Variants in CFAP299 observed in about 807,000 individuals in gnomAD.
The protein encoded by CFAP299 is cilia- and flagella-associated protein 299.
A neutral mutation model predicts 27.0 loss-of-function variants in CFAP299; 21 were observed. The observed-to-expected ratio is 0.78, with a 90% CI of 0.55 to 1.12. CFAP299 has a LOEUF of 1.12. Among genes scored for constraint, CFAP299 ranks in the 50% most tolerant of loss-of-function variants. The pLI is 0.00. For missense variants in CFAP299, 310 were observed against 276.6 expected (o/e 1.12, Z -0.86); for synonymous variants, 104 against 98.1 (o/e 1.06, Z -0.36).
chr4:80,591,105 A>ATTTTTT (rs70944795), intron 3 of CFAP299, among the ~76,000 whole-genome samples: 6 of 126,882 alleles, frequency 4.7e-5, no homozygotes, highest in African/African-American at 1.5e-4. Context: ...ACTTTAGGAA[A>ATTTTTT]TTTTTTTTTT....
chr4:80,327,604 A>AG, the CFAP299 span, among the ~76,000 whole-genome samples: 3 of 148,236 alleles, frequency 2.0e-5, no homozygotes, highest in Admixed American at 1.4e-4. Flanking sequence ...AGGCAAAAAA[A>AG]TAGTGGCTGG....
intron 2 of CFAP299, among the ~76,000 whole-genome samples, chr4:80,577,153 T>C (rs1735912157): frequency 6.6e-6 from 1 of 152,172 alleles, no homozygotes; most frequent in East Asian, 1.9e-4. Context: ...GAGCCTTCAT[T>C]ATAGTGAAAT....
chr4:80,480,384 T>A (rs868716042), intron 2 of CFAP299, among the ~76,000 whole-genome samples: 2 of 152,028 alleles, frequency 1.3e-5, no homozygotes, highest in South Asian at 2.1e-4. Flanking sequence ...TTTTATAGGA[T>A]GAAAAAGGAA....
At chr4:80,780,174 G>T (rs759704683) in intron 3 of CFAP299, among the ~76,000 whole-genome samples, 17 of 151,786 alleles carry the variant, frequency 1.1e-4, no homozygotes, top group Non-Finnish European at 2.1e-4. Flanking sequence ...CAAACTCTAC[G>T]AGGTTTTCTA....
chr4:80,787,467 A>G (rs1727310714), intron 3 of CFAP299, among the ~76,000 whole-genome samples: 1 of 151,844 alleles, frequency 6.6e-6, no homozygotes, highest in African/African-American at 2.4e-5. Context: ...CAGAGTTTCT[A>G]AGAAGCAACT....
chr4:80,345,270 GTTATTA>G (rs552352955), intron 1 of CFAP299, among the ~76,000 whole-genome samples: 8 of 150,742 alleles, frequency 5.3e-5, no homozygotes, highest in South Asian at 2.1e-4. Flanking sequence ...GTTTCTTTTT[GTTATTA>G]TTATTATTAT....
chr4:80,558,354 G>GTTTTTTTTTT lies in CFAP299; in HGVS notation c.243-24736_243-24735insTTTTTTTTTT, dbSNP rs1159652533. Reference sequence around the variant, plus strand: ...ACTTTTGTGGTTTTTTTGTTTGTTTGTTTGTTTGTTTGTTTTTTTTTTGGC... The same window carrying GTTTTTTTTTT: ...ACTTTTGTGGTTTTTTTGTTTGTTTGTTTTTTTTTTTTTGTTTGTTTGTTTTTTTTTTGGC... On this transcript the variant is annotated intron_variant, in intron 2 of 5. Coordinates refer to ENST00000358105, the MANE Select transcript of CFAP299 (RefSeq NM_152770.3). Among the ~76,000 whole-genome samples the GTTTTTTTTTT allele has an allele frequency of 4.0e-5, 5 of 126,422 alleles. 1 individual carries two copies. Among genetic ancestry groups the GTTTTTTTTTT allele is most frequent in the African/African-American group, 9.9e-5 (3 of 30,176 alleles). The allele number at this position is 126,422 out of a possible 152,430, so 82.9% of individuals were successfully genotyped here.
chr4:80,793,028 G>C (rs1210889164), intron 3 of CFAP299, among the ~76,000 whole-genome samples: 1 of 151,826 alleles, frequency 6.6e-6, no homozygotes, highest in Non-Finnish European at 1.5e-5. Flanking sequence ...CTAAATAAAT[G>C]AAATTTTAAA....
intron 3 of CFAP299, among the ~76,000 whole-genome samples, chr4:80,697,768 A>G (rs574502513): frequency 1.3e-5 from 2 of 152,318 alleles, no homozygotes; most frequent in East Asian, 3.9e-4. Flanking sequence ...CCAGCTTTCA[A>G]TGTGGTCCTC....
At chr4:80,333,957 T>C (rs1279881338), upstream of CFAP299, among the ~76,000 whole-genome samples, 11 of 152,188 alleles carry the variant, frequency 7.2e-5, no homozygotes, top group Non-Finnish European at 1.5e-4. Context: ...AAATTGAAAG[T>C]TTAGAAAAGG....
intron 4 of CFAP299, chr4:80,872,902 T>C (rs546218894): frequency 1.0e-6 from 1 of 965,702 alleles, no homozygotes; most frequent in African/African-American, 1.8e-5. Flanking sequence ...ATATCATCTC[T>C]CTGTGTGTAG....
chr4:80,912,628 G>A (rs1025183586), intron 4 of CFAP299, among the ~76,000 whole-genome samples: 34 of 152,164 alleles, frequency 2.2e-4, no homozygotes, highest in African/African-American at 5.5e-4. Context: ...TGGCCCACGC[G>A]TATGGCTCAA....
At chr4:80,505,302 A>G (rs2110156541) in intron 2 of CFAP299, among the ~76,000 whole-genome samples, 1 of 152,246 alleles carries the variant, frequency 6.6e-6, no homozygotes, top group Admixed American at 6.5e-5. Context: ...AATTAAATCC[A>G]GTTCTTTTCT....
chr4:80,362,891 G>C lies in CFAP299; in HGVS notation c.242+7G>C. 1 of 1,596,468 alleles carries C rather than the reference G, an allele frequency of 6.3e-7. No individual in the cohort carries two copies. The highest frequency in any genetic ancestry group is 1.8e-5 in the Admixed American group (1 of 54,186). On this transcript the variant is annotated splice_region_variant and intron_variant, in intron 2 of 5. Coordinates refer to ENST00000358105, the MANE Select transcript of CFAP299 (RefSeq NM_152770.3). ...CTGAAAGAGCTCAGCAAAAGTAAGTGTCCATGTTCCAAATCCAGATTTTAT... is the reference window on the plus strand; with the variant it reads ...CTGAAAGAGCTCAGCAAAAGTAAGTCTCCATGTTCCAAATCCAGATTTTAT...
intron 3 of CFAP299, among the ~76,000 whole-genome samples, chr4:80,603,610 T>C (rs796898428): frequency 2.6e-5 from 4 of 152,306 alleles, no homozygotes; most frequent in African/African-American, 9.6e-5. Flanking sequence ...AAAGGAAATA[T>C]TTATGAATGT....
intron 3 of CFAP299, among the ~76,000 whole-genome samples, chr4:80,849,971 C>G (rs561772368): frequency 6.6e-6 from 1 of 152,170 alleles, no homozygotes; most frequent in African/African-American, 2.4e-5. Flanking sequence ...AAATATCACA[C>G]AGTACCCTAT....
intron 3 of CFAP299, among the ~76,000 whole-genome samples, chr4:80,689,513 G>A (rs1234227340): frequency 2.6e-5 from 4 of 152,174 alleles, no homozygotes; most frequent in Non-Finnish European, 4.4e-5. Flanking sequence ...GTCACCACCA[G>A]GCCTGCCCTA....
At chr4:80,892,479 A>G (rs761641065) in intron 4 of CFAP299, among the ~76,000 whole-genome samples, 50 of 152,196 alleles carry the variant, frequency 3.3e-4, no homozygotes, top group Non-Finnish European at 6.8e-4. Context: ...CCACAAGCAC[A>G]GGCAACCAAA....
intron 3 of CFAP299, among the ~76,000 whole-genome samples, chr4:80,765,447 C>T (rs1041339725): frequency 4.6e-5 from 7 of 151,912 alleles, no homozygotes; most frequent in Admixed American, 3.3e-4. Flanking sequence ...TAAGGATGAG[C>T]TCACAATAAA....
Sources: gnomAD v4.1 joint callset for allele counts (sites outside exome capture counted in the v4.1 genomes callset) on GRCh38, gnomAD v4.1.1 for gene constraint, MANE v1.5 for transcripts, NCBI Gene and HGNC (gene_info 2026-07-23, HGNC 2026-07-21) for gene names.